PCDHA4: variants seen among roughly 807,000 people sequenced by gnomAD.
The protein encoded by PCDHA4 is protocadherin alpha-4.
Under a neutral mutation model 61.4 loss-of-function variants are expected in PCDHA4, and 49 were observed. That is an observed-to-expected ratio of 0.80 (90% confidence interval 0.63 to 1.01). PCDHA4 has a LOEUF of 1.01. Among genes scored for constraint, PCDHA4 ranks in the 50% least tolerant of loss-of-function variants. The pLI, the probability that PCDHA4 is intolerant of heterozygous loss-of-function variation, is 0.00. For synonymous variants in PCDHA4, 590 were observed against 550.3 expected (o/e 1.07, Z -1.01); for missense variants, 1,254 against 1,235.8 (o/e 1.01, Z -0.22).
rs1286163937 is a variant in PCDHA4, at chr5:140,808,295, G to A, written c.1108G>A (p.Ala370Thr). Residue 370 changes from alanine (A) to threonine (T), a missense_variant, in exon 1 of 4, where the codon GCC (alanine) becomes ACC (threonine). Coordinates refer to ENST00000530339, the MANE Select transcript of PCDHA4 (RefSeq NM_018907.4). ...REDAPLGTVIALISVSDKDMG... is the reference protein window; with the variant it reads ...REDAPLGTVITLISVSDKDMG... Reference sequence around the variant, plus strand: ...GGACGCTCCACTGGGTACAGTCATCGCCCTGATCAGCGTGTCCGACAAAGA... The same window carrying A: ...GGACGCTCCACTGGGTACAGTCATCACCCTGATCAGCGTGTCCGACAAAGA... 7 of 1,614,130 alleles carry A rather than the reference G, an allele frequency of 4.3e-6. No homozygotes were observed. The highest frequency in any genetic ancestry group is 1.3e-5 in the African/African-American group (1 of 74,958).
At chr5:140,869,394 G>C (rs782128248) in intron 1 of PCDHA4, 1 of 1,614,196 alleles carries the variant, frequency 6.2e-7, no homozygotes, top group Non-Finnish European at 8.5e-7. Context: ...AGCTGTGCGG[G>C]CAGAGCGCGG....
chr5:140,966,659 G>T, intron 1 of PCDHA4: 1 of 1,217,656 alleles, frequency 8.2e-7, no homozygotes, highest in South Asian at 2.0e-5. Flanking sequence ...AGCGGTGGGG[G>T]AGCAGGCGCA....
chr5:140,874,167 T>C lies in PCDHA4; in HGVS notation c.2385+64595T>C, dbSNP rs910574514. On this transcript the variant is annotated intron_variant, in intron 1 of 3. Coordinates refer to ENST00000530339, the MANE Select transcript of PCDHA4 (RefSeq NM_018907.4). ...TGTAGAGCCATTCTTGGTTACTCTTTCCTGGTGTTGTAAAGGTGTCATATT... is the reference window on the plus strand; with the variant it reads ...TGTAGAGCCATTCTTGGTTACTCTTCCCTGGTGTTGTAAAGGTGTCATATT... 4.6e-5 allele frequency among the ~76,000 whole-genome samples: 7 copies of C among 152,340 alleles called. No homozygotes were observed. The East Asian group carries it at 1.2e-3, about 25-fold the overall frequency.
rs782481333 is a variant in PCDHA4, at chr5:140,808,780, G to T, written c.1593G>T (p.Leu531=). The T allele has an allele frequency of 8.1e-6, 13 of 1,612,576 alleles. No individual in the cohort carries two copies. Among genetic ancestry groups the T allele is most frequent in the East Asian group, 2.2e-5 (1 of 44,856 alleles). The part of the protein sequence containing the change: ...QPLDHEELEL[L]QFQVTARDAG... Reference sequence around the variant, plus strand: ...TGGACCACGAGGAGCTAGAGCTGCTGCAGTTTCAGGTGACCGCTCGCGATG... The same window carrying T: ...TGGACCACGAGGAGCTAGAGCTGCTTCAGTTTCAGGTGACCGCTCGCGATG... The change falls in exon 1 of 4, where the codon CTG becomes CTT. Residue 531 remains leucine, a synonymous_variant. Coordinates refer to ENST00000530339, the MANE Select transcript of PCDHA4 (RefSeq NM_018907.4).
At position 140,809,042 on chromosome 5, in the gene PCDHA4, C is replaced by T. The variant is rs782283778; in HGVS notation, c.1855C>T (p.Arg619Cys). ...YELQPGTGGA[R>C]IPFRVGLYTG... ...GCTGCAGCCGGGGACTGGTGGCGCG[C>T]GCATCCCGTTCCGCGTGGGGCTGTA... Residue 619 changes from arginine to cysteine, a missense_variant, in exon 1 of 4, where the codon CGC becomes TGC. Transcript: ENST00000530339. 2 of 1,613,852 alleles carry T rather than the reference C, an allele frequency of 1.2e-6. No homozygotes were observed. The highest frequency in any genetic ancestry group is 1.7e-6 in the Non-Finnish European group (2 of 1,179,884).
At chr5:140,991,025 A>G (rs1440890555) in intron 3 of PCDHA4, among the ~76,000 whole-genome samples, 2 of 152,208 alleles carry the variant, frequency 1.3e-5, no homozygotes, top group African/African-American at 4.8e-5. Flanking sequence ...CACTTTACAT[A>G]TGTTGCATAC....
At chr5:140,848,333 C>T in intron 1 of PCDHA4, 2 of 843,612 alleles carry the variant, frequency 2.4e-6, no homozygotes, top group Non-Finnish European at 1.9e-6. Flanking sequence ...TCTCTGAATC[C>T]AGACAAATAC....
At chr5:140,984,254 G>A (rs553931247) in intron 3 of PCDHA4, among the ~76,000 whole-genome samples, 1 of 152,278 alleles carries the variant, frequency 6.6e-6, no homozygotes, top group East Asian at 1.9e-4. Flanking sequence ...GACCTGGTAA[G>A]CCACAAACTA....
chr5:140,966,934 G>T, intron 1 of PCDHA4: 1 of 1,604,080 alleles, frequency 6.2e-7, no homozygotes, highest in Non-Finnish European at 8.5e-7. Context: ...CACCCGGCGC[G>T]CTCGTGGGCA....
At chr5:140,975,795 CT>C (rs1219508800) in intron 1 of PCDHA4, among the ~76,000 whole-genome samples, 2 of 151,168 alleles carry the variant, frequency 1.3e-5, no homozygotes, top group Non-Finnish European at 1.5e-5. Flanking sequence ...TAAATTAAAT[CT>C]TTTTTATAAT....
In PCDHA4 at chr5:141,009,886, C is replaced by T. The variant is rs377373799; in HGVS notation, c.2793C>T (p.Thr931=). Residue 931 remains threonine (T), a synonymous_variant, in exon 4 of 4, where the codon ACC becomes ACT. Transcript: ENST00000530339. ...AGAAAAAGAAGAAGGGTAACAAGAC[C>T]CAGGAGAAAAAAGAGAAAGGGAACA... ...KKKKKKKGNK[T]QEKKEKGNST... is the part of the protein sequence containing the mutation. The T allele has an allele frequency of 9.0e-4, 1,444 of 1,612,840 alleles. 15 individuals are homozygous for T. The South Asian group carries it at 0.015, about 17-fold the overall frequency.
Position 140,808,873 on chromosome 5 carries a change from G to C in PCDHA4, c.1686G>C (p.Ala562=), listed in dbSNP as rs782251323. ...TCGTGCTGGACGAAAACGACAACGC[G>C]CCAGCACTGCTAGCGCCTCGGGCGG... ...QVFVLDENDN[A]PALLAPRAGG... Residue 562 remains alanine, a synonymous_variant, in exon 1 of 4, where the codon GCG becomes GCC. Transcript: ENST00000530339. The C allele has an allele frequency of 8.7e-6, 14 of 1,613,080 alleles. No individual in the cohort carries two copies. Among genetic ancestry groups the C allele is most frequent in the Non-Finnish European group, 1.2e-5 (14 of 1,179,904 alleles).
chr5:140,967,774 G>C (rs1447955993), intron 1 of PCDHA4: 3 of 1,614,106 alleles, frequency 1.9e-6, no homozygotes, highest in Non-Finnish European at 1.7e-6. Context: ...TCTATGTGCA[G>C]GCGACTGACC....
intron 1 of PCDHA4, among the ~76,000 whole-genome samples, chr5:140,818,806 G>T (rs2150102424): frequency 3.3e-5 from 5 of 152,192 alleles, no homozygotes; most frequent in African/African-American, 1.2e-4. Flanking sequence ...CTCCAGCCTC[G>T]GTCAGAGTGA....
chr5:140,971,537 G>T (rs1414023721), intron 1 of PCDHA4, among the ~76,000 whole-genome samples: 1 of 152,136 alleles, frequency 6.6e-6, no homozygotes, highest in Non-Finnish European at 1.5e-5. Flanking sequence ...AGTCATCATT[G>T]CCAGATCAAC....
intron 1 of PCDHA4, among the ~76,000 whole-genome samples, chr5:140,898,157 G>A (rs1455235992): frequency 1.3e-5 from 2 of 152,162 alleles, no homozygotes; most frequent in South Asian, 4.1e-4. Context: ...CACGCTGATG[G>A]TGGTTTCTTT....
At chr5:140,840,458 A>C (rs1178434181) in intron 1 of PCDHA4, among the ~76,000 whole-genome samples, 1 of 152,008 alleles carries the variant, frequency 6.6e-6, no homozygotes, top group Admixed American at 6.6e-5. Context: ...GTTAAATAAA[A>C]AGTTGGGGAA....
At chr5:140,998,287 G>A (rs1209811850) in intron 3 of PCDHA4, among the ~76,000 whole-genome samples, 3 of 152,154 alleles carry the variant, frequency 2.0e-5, no homozygotes, top group Non-Finnish European at 4.4e-5. Flanking sequence ...GATTAAATCA[G>A]ATCACACATT....
At chr5:141,000,183 A>G (rs2097895175) in intron 3 of PCDHA4, among the ~76,000 whole-genome samples, 1 of 151,898 alleles carries the variant, frequency 6.6e-6, no homozygotes, top group Non-Finnish European at 1.5e-5. Context: ...CAAGGAGTCA[A>G]TGTGAGAATA....
Sources: allele counts gnomAD v4.1 joint callset (sites outside exome capture counted in the v4.1 genomes callset), GRCh38; gene constraint gnomAD v4.1.1; transcripts MANE v1.5; gene names NCBI Gene and HGNC (gene_info 2026-07-23, HGNC 2026-07-21).